SERTAD4: variants seen among roughly 807,000 people sequenced by gnomAD.
SERTAD4 encodes the protein SERTA domain containing 4.
A neutral mutation model predicts 32.9 loss-of-function variants in SERTAD4; 18 were observed. The ratio of observed to expected loss-of-function variants is 0.55; its 90% confidence interval spans 0.38 to 0.81. The LOEUF is 0.81. SERTAD4 is among the 30% of genes least tolerant of loss of function. The pLI is 0.00. For missense variants in SERTAD4, 383 were observed against 426.0 expected (o/e 0.90, Z 0.89); for synonymous variants, 150 against 156.4 (o/e 0.96, Z 0.30).
intron 1 of SERTAD4, chr1:210,233,661 CG>C (rs1161573064): frequency 1.1e-5 from 5 of 469,770 alleles, no homozygotes; most frequent in Non-Finnish European, 2.2e-5. Flanking sequence ...GGCTGCTGCC[CG>C]CCTGGTCCAC....
chr1:210,236,592 A>G (rs1028707814), intron 1 of SERTAD4, among the ~76,000 whole-genome samples: 15 of 152,142 alleles, frequency 9.9e-5, no homozygotes, highest in African/African-American at 1.4e-4. Flanking sequence ...TATAGCATGT[A>G]GGTAATAATA....
At position 210,232,939 on chromosome 1, in the gene SERTAD4, G is replaced by T. The variant is rs1255268608; in HGVS notation, c.-90G>T. Reference sequence around the variant, plus strand: ...ACCCGCGAGTGTGCACCGGCGGCCGGGCTGGCGCCGAGCCCAGAGCGGACC... The same window carrying T: ...ACCCGCGAGTGTGCACCGGCGGCCGTGCTGGCGCCGAGCCCAGAGCGGACC... On this transcript the variant is annotated 5_prime_UTR_variant, in exon 1 of 4. Coordinates refer to ENST00000367012, the MANE Select transcript of SERTAD4 (RefSeq NM_019605.5). 2 of 149,742 alleles carry T rather than the reference G, an allele frequency of 1.3e-5. No individual in the cohort carries two copies. Among genetic ancestry groups the T allele is most frequent in the South Asian group, 2.1e-4 (1 of 4,834 alleles). 9.3% of individuals were successfully genotyped at this position (149,742 alleles called of 1,614,324 possible).
Position 210,245,710 on chromosome 1 carries a change from T to C in SERTAD4, c.*3373T>C, listed in dbSNP as rs2084042302. On this transcript the variant is annotated 3_prime_UTR_variant, in exon 4 of 4. Coordinates refer to ENST00000367012, the MANE Select transcript of SERTAD4 (RefSeq NM_019605.5). The stretch of plus-strand genomic sequence containing the variant: ...TGAAAGTATTTATTTTTAGAGCTCA[T>C]AGTTAACTCCATCAAGACATGGCTA... 3.4e-6 allele frequency: 2 copies of C among 581,500 alleles called. No homozygotes were observed. The highest frequency in any genetic ancestry group is 4.3e-6 in the Non-Finnish European group (2 of 461,012). 36.0% of individuals were successfully genotyped at this position (581,500 alleles called of 1,614,324 possible). A position where few individuals can be genotyped will look rare whatever the true frequency, so the allele number is the denominator to read the frequency against.
At chr1:210,235,665 A>G (rs1184923876) in intron 1 of SERTAD4, among the ~76,000 whole-genome samples, 2 of 152,212 alleles carry the variant, frequency 1.3e-5, no homozygotes, top group African/African-American at 4.8e-5. Context: ...AAACGCTGAA[A>G]TTCCTCACAA....
At chr1:210,233,848 G>A (rs769188721) in intron 1 of SERTAD4, 2 of 468,062 alleles carry the variant, frequency 4.3e-6, no homozygotes, top group South Asian at 1.6e-5. Context: ...AAGGGAGGGA[G>A]GGAAGGCCGG....
chr1:210,234,008 G>T (rs1467693539), intron 1 of SERTAD4: 2 of 366,492 alleles, frequency 5.5e-6, no homozygotes, highest in East Asian at 8.7e-5. Flanking sequence ...AAAAAAAAAG[G>T]ATAAGACATA....
chr1:210,246,175 A>G lies in SERTAD4; in HGVS notation c.*3838A>G, dbSNP rs1392274058. 6.5e-6 allele frequency: 1 copy of G among 153,158 alleles called. No homozygotes were observed. Among genetic ancestry groups the G allele is most frequent in the Non-Finnish European group, 1.5e-5 (1 of 68,852 alleles). The allele number at this position is 153,158 out of a possible 1,614,324, so 9.5% of individuals were successfully genotyped here. On this transcript the variant is annotated 3_prime_UTR_variant, in exon 4 of 4. Coordinates refer to ENST00000367012, the MANE Select transcript of SERTAD4 (RefSeq NM_019605.5). ...TAAAAGAAGAGACAATGTATGGTTTATAGTGATTCATTTTAAGATTGCTGT... is the reference window on the plus strand; with the variant it reads ...TAAAAGAAGAGACAATGTATGGTTTGTAGTGATTCATTTTAAGATTGCTGT...
intron 1 of SERTAD4, among the ~76,000 whole-genome samples, chr1:210,235,231 A>T (rs893918634): frequency 6.6e-6 from 1 of 152,232 alleles, no homozygotes; most frequent in South Asian, 2.1e-4. Flanking sequence ...CAGAATTATA[A>T]ATCTTATCAG....
chr1:210,239,949 T>C (rs773781955), intron 3 of SERTAD4, among the ~76,000 whole-genome samples: 15 of 152,230 alleles, frequency 9.9e-5, no homozygotes, highest in Non-Finnish European at 1.9e-4. Flanking sequence ...TTTCCTGTCA[T>C]GTTCTCCCCA....
intron 1 of SERTAD4, among the ~76,000 whole-genome samples, chr1:210,236,774 G>A (rs2083944043): frequency 6.6e-6 from 1 of 152,196 alleles, no homozygotes; most frequent in South Asian, 2.1e-4. Context: ...ATGAGATAGT[G>A]GGGGCTTGAG....
In SERTAD4 at chr1:210,241,905, C is replaced by T. The variant is rs758839295; in HGVS notation, c.639C>T (p.Ala213=). 3 of 1,614,162 alleles carry T rather than the reference C, an allele frequency of 1.9e-6. No individual in the cohort carries two copies. In the South Asian group the frequency reaches 3.3e-5, roughly 18 times the overall value. ...PLSVNANVGS[A]STAASSPSAS... The stretch of plus-strand genomic sequence containing the variant: ...CTGTCAATGCTAATGTTGGAAGTGC[C>T]TCCACTGCTGCCTCCTCTCCCTCCG... The change falls in exon 4 of 4, where the codon GCC becomes GCT. Residue 213 remains alanine, a synonymous_variant. Transcript: ENST00000367012.
chr1:210,233,175 G>A (rs1477397164), intron 1 of SERTAD4, among the ~76,000 whole-genome samples, 164 bp downstream of exon 1: 1 of 152,068 alleles, frequency 6.6e-6, no homozygotes, highest in Non-Finnish European at 1.5e-5. Context: ...GACTCGCAGC[G>A]GCCGGAGCGG....
intron 1 of SERTAD4, among the ~76,000 whole-genome samples, chr1:210,236,079 A>G (rs2083938058): frequency 6.6e-6 from 1 of 152,218 alleles, no homozygotes; most frequent in South Asian, 2.1e-4. Context: ...GGAATAAATC[A>G]TCATGAAGTT....
Position 210,242,705 on chromosome 1 carries a change from G to T in SERTAD4, c.*368G>T. ...TTTCTACATGTTTGCCAGTTAATTA[G>T]GGAGTTATTTGGTAAGCAAATCAAT... On this transcript the variant is annotated 3_prime_UTR_variant, in exon 4 of 4. Coordinates refer to ENST00000367012, the MANE Select transcript of SERTAD4 (RefSeq NM_019605.5). The surrounding 1 kb of genome is among the most constrained non-coding windows in gnomAD (Gnocchi z 4.0). 1 of 1,017,692 alleles carries T rather than the reference G, an allele frequency of 9.8e-7. No homozygotes were observed. The highest frequency in any genetic ancestry group is 1.7e-5 in the African/African-American group (1 of 58,456). 63.0% of individuals were successfully genotyped at this position (1,017,692 alleles called of 1,614,324 possible).
Position 210,242,817 on chromosome 1 carries a change from C to G in SERTAD4, c.*480C>G. The G allele has an allele frequency of 1.0e-6, 1 of 987,512 alleles. No individual in the cohort carries two copies. The allele number at this position is 987,512 out of a possible 1,614,324, so 61.2% of individuals were successfully genotyped here. On this transcript the variant is annotated 3_prime_UTR_variant, in exon 4 of 4. Transcript: ENST00000367012. This position sits in a 1 kb window ranked among gnomAD's most constrained non-coding sequence, Gnocchi z 4.0. ...AAAGACAGGGAGCTAGATGAAATGG[C>G]TTAATGGTGCTGTTAAGTATTTGTA...
chr1:210,233,095 C>G (rs1489659028), intron 1 of SERTAD4, 84 bp downstream of exon 1: 1 of 151,930 alleles, frequency 6.6e-6, no homozygotes, highest in East Asian at 1.9e-4. Flanking sequence ...CTCCTGCCCT[C>G]GCAGACGGGC....
Position 210,245,875 on chromosome 1 carries a change from A to G in SERTAD4, c.*3538A>G. On this transcript the variant is annotated 3_prime_UTR_variant, in exon 4 of 4. Transcript: ENST00000367012. The stretch of plus-strand genomic sequence containing the variant: ...ACTTCGCAACAAATATAAGACAAGG[A>G]TACAAGGATTCCTATGTGATGCAGC... 1.0e-6 allele frequency: 1 copy of G among 985,344 alleles called. No homozygotes were observed. The highest frequency in any genetic ancestry group is 4.7e-5 in the South Asian group (1 of 21,288). 61.0% of individuals were successfully genotyped at this position (985,344 alleles called of 1,614,324 possible). A position where few individuals can be genotyped will look rare whatever the true frequency, so the allele number is the denominator to read the frequency against.
At chr1:210,233,309 CG>C (rs1453272103) in intron 1 of SERTAD4, among the ~76,000 whole-genome samples, 1 of 152,078 alleles carries the variant, frequency 6.6e-6, no homozygotes, top group East Asian at 2.0e-4. Context: ...TAGGGCTGCT[CG>C]GGCTGCCACC....
At chr1:210,238,244 A>C in intron 2 of SERTAD4, 109 bp downstream of exon 2, 8 of 690,980 alleles carry the variant, frequency 1.2e-5, no homozygotes, top group Non-Finnish European at 2.0e-5. Context: ...AGGAGAGCTA[A>C]AGCTCCAGGG....
Sources: allele counts gnomAD v4.1 joint callset (sites outside exome capture counted in the v4.1 genomes callset), GRCh38; gene constraint gnomAD v4.1.1; non-coding constraint Gnocchi (gnomAD v3.1); transcripts MANE v1.5; gene names NCBI Gene and HGNC (gene_info 2026-07-23, HGNC 2026-07-21).